BIRC6: variants seen among roughly 807,000 people sequenced by gnomAD.
BIRC6 encodes the protein dual E2 ubiquitin-conjugating enzyme/E3 ubiquitin-protein ligase BIRC6.
A neutral mutation model predicts 503.3 loss-of-function variants in BIRC6; 98 were observed. That is an observed-to-expected ratio of 0.19 (90% CI 0.17 to 0.23). The LOEUF (loss-of-function observed/expected upper bound fraction) is 0.23. Among genes scored for constraint, BIRC6 ranks in the 10% least tolerant of loss-of-function variants. BIRC6 has a pLI of 1.00. For missense variants in BIRC6, 5,360 were observed against 5,806.0 expected, an observed-to-expected ratio of 0.92 and a Z score of 2.50; for synonymous variants, 2,240 against 2,078.7, an observed-to-expected ratio of 1.08 and a Z score of -2.11.
intron 66 of BIRC6, among the ~76,000 whole-genome samples, chr2:32,592,528 T>C (rs183928990): frequency 9.5e-4 from 144 of 152,314 alleles, no homozygotes; most frequent in Non-Finnish European, 1.3e-3. Context: ...TCTGAGCAGA[T>C]TTTTGTTTTT....
At chr2:32,536,102 T>G (rs1219092507) in intron 61 of BIRC6, among the ~76,000 whole-genome samples, 1 of 152,240 alleles carries the variant, frequency 6.6e-6, no homozygotes, top group Non-Finnish European at 1.5e-5. Flanking sequence ...CATAAATGTC[T>G]TCTTTTGAGA....
chr2:32,578,514 G>A lies in BIRC6; in HGVS notation c.13355+3148G>A, dbSNP rs1033941348. On this transcript the variant is annotated intron_variant, in intron 66 of 73. Coordinates refer to ENST00000421745, the MANE Select transcript of BIRC6 (RefSeq NM_016252.4). ...TAACTTTAAAAATGCTGTGTATCAC[G>A]GCCGGGTGCAGTGGCTCACGGCTGT... Among the ~76,000 whole-genome samples, 14 of 152,112 alleles carry A rather than the reference G, an allele frequency of 9.2e-5. 1 individual carries two copies. Among genetic ancestry groups the A allele is most frequent in the Admixed American group, 8.5e-4 (13 of 15,272 alleles).
intron 47 of BIRC6, 130 bp from the exon 48 acceptor site, chr2:32,502,665 C>CA (rs2053334964): frequency 3.3e-6 from 2 of 597,942 alleles, no homozygotes; most frequent in Non-Finnish European, 5.4e-6. Flanking sequence ...TTTTGGCAGA[C>CA]ATTTTGTATT....
chr2:32,428,396 C>A (rs1313303237), intron 10 of BIRC6, among the ~76,000 whole-genome samples: 1 of 152,198 alleles, frequency 6.6e-6, no homozygotes, highest in Non-Finnish European at 1.5e-5. Context: ...TTGTTTGTTT[C>A]CCATTGAAAT....
chr2:32,403,856 G>T (rs1415728850), intron 8 of BIRC6, among the ~76,000 whole-genome samples: 4 of 151,778 alleles, frequency 2.6e-5, no homozygotes, highest in African/African-American at 9.7e-5. Flanking sequence ...GAAATATAGA[G>T]TAGTCATAAT....
intron 10 of BIRC6, among the ~76,000 whole-genome samples, chr2:32,425,840 C>G (rs1004016744): frequency 3.9e-5 from 6 of 152,138 alleles, no homozygotes; most frequent in African/African-American, 1.4e-4. Flanking sequence ...AATGCACAAC[C>G]CTATATATTG....
In BIRC6 at chr2:32,392,166, A is replaced by T. The variant is rs2039308497; in HGVS notation, c.951+16A>T. ...TTATCATCAGGTAAAAAAAGAATAT[A>T]AAAAAATACTTTTCTCAGTAGGCCT... On this transcript the variant is annotated intron_variant, in intron 5 of 73. Coordinates refer to ENST00000421745, the MANE Select transcript of BIRC6 (RefSeq NM_016252.4). 35 of 1,505,142 alleles carry T rather than the reference A, an allele frequency of 2.3e-5. No individual in the cohort carries two copies. Among genetic ancestry groups the T allele is most frequent in the Non-Finnish European group, 3.0e-5 (33 of 1,108,704 alleles). The allele number at this position is 1,505,142 out of a possible 1,614,324, so 93.2% of individuals were successfully genotyped here.
intron 15 of BIRC6, 75 bp downstream of exon 15, chr2:32,436,259 A>C (rs2044685015): frequency 3.4e-5 from 38 of 1,130,332 alleles, no homozygotes; most frequent in Middle Eastern, 2.2e-4. Flanking sequence ...AACTGATCTC[A>C]AAAAAAATAA....
intron 68 of BIRC6, 83 bp from the exon 69 acceptor site, chr2:32,597,668 A>G: frequency 2.0e-6 from 2 of 984,572 alleles, no homozygotes; most frequent in Non-Finnish European, 3.1e-6. Context: ...GTTGAGTGGG[A>G]GAAGGACTAG....
At position 32,615,200 on chromosome 2, in the gene BIRC6, A is replaced by T. The variant is rs1180961109; in HGVS notation, c.14395-2525A>T. 2.0e-5 allele frequency among the ~76,000 whole-genome samples: 3 copies of T among 151,934 alleles called. No homozygotes were observed. The East Asian group carries it at 5.8e-4, about 29-fold the overall frequency. On this transcript the variant is annotated intron_variant, in intron 73 of 73. Coordinates refer to ENST00000421745, the MANE Select transcript of BIRC6 (RefSeq NM_016252.4). ...TGTCCCCATGATCCCCATTTCTCTC[A>T]CCTCCAACACAGGGATTACATTTCA...
At chr2:32,447,725 TG>T in intron 21 of BIRC6, among the ~76,000 whole-genome samples, 1 of 66,808 alleles carries the variant, frequency 1.5e-5, no homozygotes, top group Non-Finnish European at 2.9e-5. Flanking sequence ...ACCTCCCTCC[TG>T]GTCGGGGCGA....
At chr2:32,406,587 A>G in intron 9 of BIRC6, 30 bp downstream of exon 9, 1 of 1,515,110 alleles carries the variant, frequency 6.6e-7, no homozygotes. Flanking sequence ...TAATGTATTT[A>G]AAAAATTCTT....
At chr2:32,418,316 TTC>T (rs2042591879) in intron 10 of BIRC6, among the ~76,000 whole-genome samples, 1 of 152,202 alleles carries the variant, frequency 6.6e-6, no homozygotes, top group Non-Finnish European at 1.5e-5. Context: ...TTTACCTGTG[TTC>T]GTTTAGTCAT....
intron 15 of BIRC6, 103 bp downstream of exon 15, chr2:32,436,287 C>A: frequency 9.2e-7 from 1 of 1,084,562 alleles, no homozygotes; most frequent in Non-Finnish European, 1.2e-6. Flanking sequence ...TTCTTTGGGA[C>A]TTTCGTTCGA....
At chr2:32,560,462 A>G (rs1348590314) in intron 65 of BIRC6, among the ~76,000 whole-genome samples, 1 of 152,236 alleles carries the variant, frequency 6.6e-6, no homozygotes, top group Admixed American at 6.5e-5. Flanking sequence ...TGCTAACTCA[A>G]TAGAGTAAAA....
rs1294434406 is a variant in BIRC6, at chr2:32,579,778, AT to A, written c.13355+4413del. On this transcript the variant is annotated intron_variant, in intron 66 of 73. Coordinates refer to ENST00000421745, the MANE Select transcript of BIRC6 (RefSeq NM_016252.4). ...CATTTATCTAATTTGTAACATATTC[AT>A]GATTATAAGAAATTCATGATTAACA... Among the ~76,000 whole-genome samples the A allele has an allele frequency of 4.6e-5, 7 of 152,242 alleles. No individual in the cohort carries two copies. The South Asian group carries it at 1.5e-3, about 32-fold the overall frequency.
chr2:32,473,085 T>C (rs2049288390), intron 32 of BIRC6, 27 bp from the exon 33 acceptor site: 17 of 1,530,764 alleles, frequency 1.1e-5, no homozygotes, highest in Non-Finnish European at 1.5e-5. Context: ...AACAGAATTA[T>C]TAATACAAGT....
At chr2:32,507,193 G>C (rs894608119) in intron 50 of BIRC6, among the ~76,000 whole-genome samples, 17 of 152,282 alleles carry the variant, frequency 1.1e-4, no homozygotes, top group Non-Finnish European at 2.2e-4. Flanking sequence ...ACTTTGGGAG[G>C]CTGCGGCAGG....
intron 40 of BIRC6, among the ~76,000 whole-genome samples, chr2:32,486,262 A>G (rs1006481267): frequency 7.9e-5 from 12 of 152,204 alleles, no homozygotes; most frequent in African/African-American, 2.9e-4. Flanking sequence ...TTTTTCGTAA[A>G]GGACTAATAG....
Sources: gnomAD v4.1 joint callset for allele counts (sites outside exome capture counted in the v4.1 genomes callset) on GRCh38, gnomAD v4.1.1 for gene constraint, MANE v1.5 for transcripts, NCBI Gene and HGNC (gene_info 2026-07-23, HGNC 2026-07-21) for gene names.